The following CPNE1 variants were observed in gnomAD, a reference collection of about 807,000 sequenced individuals.
The protein encoded by CPNE1 is copine-1.
CPNE1 carries 58 observed loss-of-function variants against 63.2 expected under a neutral mutation model. That is an observed-to-expected ratio of 0.92 (90% CI 0.74 to 1.14). CPNE1 has a LOEUF of 1.14. Among genes scored for constraint, CPNE1 ranks in the 50% most tolerant of loss-of-function variants. The pLI is 0.00. For missense variants in CPNE1, 672 were observed against 661.7 expected (o/e 1.02, Z -0.17); for synonymous variants, 237 against 249.0 (o/e 0.95, Z 0.45).
At chr20:35,661,531 A>G (rs1240566821) in intron 1 of CPNE1, among the ~76,000 whole-genome samples, 3 of 152,240 alleles carry the variant, frequency 2.0e-5, no homozygotes, top group Non-Finnish European at 2.9e-5. Flanking sequence ...CAGAAGATCT[A>G]AAACAAGAAG....
At chr20:35,628,092 T>C (rs927802643) in intron 13 of CPNE1, among the ~76,000 whole-genome samples, 10 of 151,162 alleles carry the variant, frequency 6.6e-5, no homozygotes, top group African/African-American at 1.7e-4. Flanking sequence ...CCATCCCAGC[T>C]AACACAGTGA....
intron 1 of CPNE1, chr20:35,652,491 G>A: frequency 3.8e-6 from 6 of 1,572,866 alleles, no homozygotes; most frequent in South Asian, 1.2e-5. Flanking sequence ...ACAGCAATAT[G>A]AAGATCTACC....
intron 1 of CPNE1, among the ~76,000 whole-genome samples, chr20:35,660,212 T>C (rs11698796): frequency 0.15 from 22,312 of 152,148 alleles, 1,633 homozygotes; most frequent in Middle Eastern, 0.19. Flanking sequence ...CTTTTTTTTT[T>C]CTTTTTTTGA....
chr20:35,626,610 G>A lies in CPNE1; in HGVS notation c.1430C>T (p.Ala477Val). 1 of 1,614,158 alleles carries A rather than the reference G, an allele frequency of 6.2e-7. No individual in the cohort carries two copies. The highest frequency in any genetic ancestry group is 8.5e-7 in the Non-Finnish European group (1 of 1,180,030). ...GGGTACAAACTGCACAATGTCGCGG[G>A]CAGCAGCCTGCCCAGAACGTGTATG... ...PLHTRSGQAAARDIVQFVPYR... is the reference protein window; with the variant it reads ...PLHTRSGQAAVRDIVQFVPYR... Residue 477 changes from alanine to valine, a missense_variant, in exon 15 of 16, where the codon GCC (alanine) becomes GTC (valine). Ala to Val is a moderately conservative substitution (Grantham distance 64, BLOSUM62 0). Coordinates refer to ENST00000397443, the MANE Select transcript of CPNE1 (RefSeq NM_152925.3).
At chr20:35,640,037 T>C (rs1031426513) in intron 1 of CPNE1, among the ~76,000 whole-genome samples, 3 of 152,220 alleles carry the variant, frequency 2.0e-5, no homozygotes, top group Admixed American at 2.0e-4. Flanking sequence ...TAAGGTGGCC[T>C]GGCTTCCATT....
chr20:35,652,698 G>C, intron 1 of CPNE1: 5 of 1,614,144 alleles, frequency 3.1e-6, no homozygotes, highest in Non-Finnish European at 3.4e-6. Flanking sequence ...AGCCATAAAA[G>C]AAATCTAAAA....
intron 13 of CPNE1, among the ~76,000 whole-genome samples, chr20:35,629,655 ATTT>A (rs770387616): frequency 7.1e-6 from 1 of 140,924 alleles, no homozygotes; most frequent in East Asian, 2.1e-4. Context: ...ATGTGGCATC[ATTT>A]TTTTTTTTTT....
At chr20:35,657,777 G>A (rs576838674) in intron 1 of CPNE1, among the ~76,000 whole-genome samples, 129 of 152,190 alleles carry the variant, frequency 8.5e-4, no homozygotes, top group Middle Eastern at 6.8e-3. Flanking sequence ...AATAATATCC[G>A]CAGCCAGGTG....
intron 13 of CPNE1, among the ~76,000 whole-genome samples, chr20:35,629,040 A>AAATGTGTG (rs1373101098): frequency 6.6e-6 from 1 of 152,250 alleles, no homozygotes; most frequent in Non-Finnish European, 1.5e-5. Context: ...TTTTCCCTTG[A>AAATGTGTG]AATGTGTGAA....
chr20:35,639,849 T>G (rs1248180126), intron 1 of CPNE1, among the ~76,000 whole-genome samples: 1 of 152,326 alleles, frequency 6.6e-6, no homozygotes, highest in Non-Finnish European at 1.5e-5. Flanking sequence ...ATCATCTTCC[T>G]GTGTAGGCCT....
chr20:35,655,324 C>G lies in CPNE1; in HGVS notation c.-1+9436G>C, dbSNP rs546359672. On this transcript the variant is annotated intron_variant, in intron 1 of 15. Transcript: ENST00000397443. The stretch of plus-strand genomic sequence containing the variant: ...TTGCAAACGGATGACCACAGCCATG[C>G]TGCGCTGAAACCACACACACCTGCA... 1.4e-5 allele frequency: 22 copies of G among 1,603,744 alleles called. No homozygotes were observed. In the South Asian group the frequency reaches 2.3e-4, roughly 17 times the overall value.
intron 1 of CPNE1, among the ~76,000 whole-genome samples, chr20:35,645,732 T>C (rs2033061201): frequency 6.6e-6 from 1 of 152,148 alleles, no homozygotes; most frequent in South Asian, 2.1e-4. Context: ...TTAATGTCCA[T>C]CACTTCAGTC....
At chr20:35,658,594 AC>A (rs1175015464) in intron 1 of CPNE1, among the ~76,000 whole-genome samples, 3 of 152,120 alleles carry the variant, frequency 2.0e-5, no homozygotes, top group African/African-American at 7.2e-5. Context: ...CCCCATCTCT[AC>A]TAAAAATACA....
intron 1 of CPNE1, among the ~76,000 whole-genome samples, chr20:35,634,081 G>A (rs1352887125): frequency 6.6e-6 from 1 of 151,318 alleles, no homozygotes. Context: ...CTAACATGGT[G>A]AGACCCTGTC....
At chr20:35,628,148 G>A (rs946657742) in intron 13 of CPNE1, among the ~76,000 whole-genome samples, 13 of 151,368 alleles carry the variant, frequency 8.6e-5, no homozygotes, top group Non-Finnish European at 1.5e-4. Context: ...AGCCGGGCGT[G>A]GTGGTGGGCG....
At chr20:35,646,095 AC>A (rs1461539304) in intron 1 of CPNE1, among the ~76,000 whole-genome samples, 2 of 148,932 alleles carry the variant, frequency 1.3e-5, no homozygotes, top group African/African-American at 5.0e-5. Context: ...CATCACCCCT[AC>A]CCCAGCAATT....
chr20:35,639,440 G>T (rs982561885), intron 1 of CPNE1, among the ~76,000 whole-genome samples: 2 of 152,044 alleles, frequency 1.3e-5, no homozygotes, highest in Non-Finnish European at 2.9e-5. Context: ...GGGTTCCAGC[G>T]ATTCTCCCAC....
intron 1 of CPNE1, among the ~76,000 whole-genome samples, chr20:35,642,690 C>T (rs1197600979): frequency 6.6e-6 from 1 of 152,230 alleles, no homozygotes; most frequent in Non-Finnish European, 1.5e-5. Context: ...GGATATTCCT[C>T]ACAGGTCACA....
At chr20:35,642,597 A>G (rs987201431) in intron 1 of CPNE1, among the ~76,000 whole-genome samples, 3 of 152,138 alleles carry the variant, frequency 2.0e-5, no homozygotes, top group Admixed American at 1.3e-4. Flanking sequence ...GGCCCCATCA[A>G]AGGACATGGA....
Sources: gnomAD v4.1 joint callset for allele counts (sites outside exome capture counted in the v4.1 genomes callset) on GRCh38, gnomAD v4.1.1 for gene constraint, MANE v1.5 for transcripts, NCBI Gene and HGNC (gene_info 2026-07-23, HGNC 2026-07-21) for gene names.